HECTD4: variants seen among roughly 807,000 people sequenced by gnomAD.
HECTD4 encodes HECT domain E3 ubiquitin protein ligase 4, also known as probable E3 ubiquitin-protein ligase HECTD4.
HECTD4 carries 114 observed loss-of-function variants against 471.5 expected under a neutral mutation model. The ratio of observed to expected loss-of-function variants is 0.24; its 90% confidence interval spans 0.21 to 0.28. The LOEUF is 0.28. Ranked by LOEUF, HECTD4 falls within the 10% of genes least tolerant of loss-of-function variation. HECTD4 has a pLI of 1.00. For synonymous variants in HECTD4, 2,012 were observed against 2,256.0 expected (o/e 0.89, Z 3.07); for missense variants, 3,866 against 5,651.5 (o/e 0.68, Z 10.13).
chr12:112,167,874 C>T lies in HECTD4; in HGVS notation c.12252G>A (p.Leu4084=). Residue 4084 remains leucine (L), a synonymous_variant, in exon 71 of 76, where the codon CTG becomes CTA. Transcript: ENST00000682272. ...GCAGCAGCGACAGCGAGGAACTCTG[C>T]AGCTCCTTACACACCTGCCACAGGA... The part of the protein sequence containing the change: ...RHFLWQVCKE[L]QSSSLSLLLL... The T allele has an allele frequency of 1.2e-6, 2 of 1,613,608 alleles. No individual in the cohort carries two copies. Among genetic ancestry groups the T allele is most frequent in the Middle Eastern group, 3.3e-4 (2 of 6,060 alleles).
intron 1 of HECTD4, among the ~76,000 whole-genome samples, chr12:112,337,942 T>C (rs1240112797): frequency 6.6e-6 from 1 of 152,262 alleles, no homozygotes; most frequent in Non-Finnish European, 1.5e-5. Flanking sequence ...CATTATCCGA[T>C]TATGCTGAAA....
At chr12:112,212,184 A>G (rs1160805338) in intron 49 of HECTD4, among the ~76,000 whole-genome samples, 1 of 152,234 alleles carries the variant, frequency 6.6e-6, no homozygotes, top group Non-Finnish European at 1.5e-5. Context: ...TTAATCACAT[A>G]ATCATTTTAC....
At position 112,228,866 on chromosome 12, in the gene HECTD4, T is replaced by C; in HGVS notation, c.6520-55A>G. ...ACCAGCTCTGACGTGTGGGCAGCTG[T>C]CTTACGAGACAAGAGGAAAAAGTAA... On this transcript the variant is annotated intron_variant, in intron 41 of 75. Coordinates refer to ENST00000682272, the MANE Select transcript of HECTD4 (RefSeq NM_001388303.1). The surrounding 1 kb of genome is among the most constrained non-coding windows in gnomAD (Gnocchi z 4.9). 12 of 1,528,454 alleles carry C rather than the reference T, an allele frequency of 7.9e-6. No homozygotes were observed. The highest frequency in any genetic ancestry group is 1.1e-5 in the Non-Finnish European group (12 of 1,121,370). The allele number at this position is 1,528,454 out of a possible 1,614,324, so 94.7% of individuals were successfully genotyped here. A position where few individuals can be genotyped will look rare whatever the true frequency, so the allele number is the denominator to read the frequency against.
intron 7 of HECTD4, among the ~76,000 whole-genome samples, chr12:112,294,804 T>A (rs7959454): frequency 0.15 from 23,548 of 152,118 alleles, 2,424 homozygotes; most frequent in African/African-American, 0.29. Flanking sequence ...TATAAAAAAA[T>A]TCCTTTTTTA....
At chr12:112,221,013 G>A (rs553582012) in intron 44 of HECTD4, among the ~76,000 whole-genome samples, 12 of 151,892 alleles carry the variant, frequency 7.9e-5, no homozygotes, top group African/African-American at 2.4e-4. Flanking sequence ...GTGCAATGGC[G>A]CAATCTCGGC....
chr12:112,166,305 G>T lies in HECTD4; in HGVS notation c.12534+1012C>A, dbSNP rs1281651438. ...GCTATTGTCTTGCAATGGCTGCCCT[G>T]AGTGACCCAGGGGGACAATGGCAGA... On this transcript the variant is annotated intron_variant, in intron 72 of 75. Transcript: ENST00000682272. The surrounding 1 kb of genome is among the most constrained non-coding windows in gnomAD (Gnocchi z 4.6). 1 of 152,260 alleles carries T rather than the reference G, an allele frequency of 6.6e-6. No individual in the cohort carries two copies. Among genetic ancestry groups the T allele is most frequent in the African/African-American group, 2.4e-5 (1 of 41,462 alleles). 9.4% of individuals were successfully genotyped at this position (152,260 alleles called of 1,614,324 possible).
chr12:112,228,080 G>T lies in HECTD4; in HGVS notation c.6854+9C>A, dbSNP rs985493616. On this transcript the variant is annotated intron_variant, in intron 43 of 75. Transcript: ENST00000682272. This position sits in a 1 kb window ranked among gnomAD's most constrained non-coding sequence, Gnocchi z 4.9. ...TCAGCACATAAGGCAATGTGGGGAG[G>T]GTACTCACCTTGTCCTTATTTCAGC... 2 of 1,599,714 alleles carry T rather than the reference G, an allele frequency of 1.3e-6. No individual in the cohort carries two copies. Among genetic ancestry groups the T allele is most frequent in the Admixed American group, 3.5e-5 (2 of 57,860 alleles).
intron 64 of HECTD4, among the ~76,000 whole-genome samples, chr12:112,177,687 C>T (rs538038513): frequency 1.3e-5 from 2 of 152,268 alleles, no homozygotes; most frequent in South Asian, 2.1e-4. Context: ...GCCTATGAGG[C>T]TATTTTTTAA....
chr12:112,379,715 T>TATATATA (rs1555262255), intron 1 of HECTD4, among the ~76,000 whole-genome samples: 1 of 135,790 alleles, frequency 7.4e-6, no homozygotes, highest in Admixed American at 7.2e-5. Context: ...TAAAAAGATT[T>TATATATA]TTTATATATA....
intron 7 of HECTD4, among the ~76,000 whole-genome samples, chr12:112,295,801 TAAAA>T (rs764102820): frequency 6.9e-6 from 1 of 144,010 alleles, no homozygotes; most frequent in African/African-American, 2.6e-5. Context: ...ACCATTAAAT[TAAAA>T]AAAAAATATA....
intron 13 of HECTD4, among the ~76,000 whole-genome samples, chr12:112,267,749 C>A (rs1004188002): frequency 6.6e-6 from 1 of 152,142 alleles, no homozygotes; most frequent in Non-Finnish European, 1.5e-5. Flanking sequence ...AAGGGAAGAA[C>A]AATATTGCAA....
intron 1 of HECTD4, among the ~76,000 whole-genome samples, chr12:112,380,643 A>G (rs897742027): frequency 6.6e-6 from 1 of 152,150 alleles, no homozygotes; most frequent in Admixed American, 6.6e-5. Context: ...ATTCCATGTT[A>G]GGAATTCCCT....
At chr12:112,323,634 G>T (rs1344817090) in intron 1 of HECTD4, among the ~76,000 whole-genome samples, 1 of 151,940 alleles carries the variant, frequency 6.6e-6, no homozygotes, top group Admixed American at 6.5e-5. Context: ...ATAGATCAAT[G>T]GTTACCGGGG....
intron 72 of HECTD4, among the ~76,000 whole-genome samples, chr12:112,165,542 G>A (rs567667715): frequency 1.1e-4 from 16 of 151,892 alleles, no homozygotes; most frequent in East Asian, 2.0e-4. Context: ...TAGTAGAGAC[G>A]GGGTTTCACT....
At chr12:112,317,716 T>C (rs956941425) in intron 2 of HECTD4, among the ~76,000 whole-genome samples, 1 of 152,104 alleles carries the variant, frequency 6.6e-6, no homozygotes, top group Non-Finnish European at 1.5e-5. Context: ...GGGTGGCTCA[T>C]GCCTGTAATC....
intron 1 of HECTD4, among the ~76,000 whole-genome samples, chr12:112,361,594 G>A (rs1380643450): frequency 2.0e-5 from 3 of 152,052 alleles, no homozygotes; most frequent in Admixed American, 6.6e-5. Context: ...TTGAAGGGGG[G>A]CATTTTATAA....
At chr12:112,197,920 C>T (rs1180334924) in intron 55 of HECTD4, among the ~76,000 whole-genome samples, 1 of 152,226 alleles carries the variant, frequency 6.6e-6, no homozygotes, top group Non-Finnish European at 1.5e-5. Context: ...CTAGCAACCT[C>T]TGCCTCCTGG....
chr12:112,274,751 G>A, intron 10 of HECTD4, 96 bp downstream of exon 10: 1 of 749,576 alleles, frequency 1.3e-6, no homozygotes, highest in South Asian at 1.7e-5. Flanking sequence ...TTCTTTTCAA[G>A]AAAACTAGAA....
chr12:112,200,898 T>C, intron 54 of HECTD4, 100 bp from the exon 55 acceptor site: 2 of 982,998 alleles, frequency 2.0e-6, no homozygotes, highest in East Asian at 2.6e-5. Context: ...TGTGTGTGTG[T>C]GTGTGTGTGT....
Sources: gnomAD v4.1 joint callset for allele counts (sites outside exome capture counted in the v4.1 genomes callset) on GRCh38, gnomAD v4.1.1 for gene constraint, Gnocchi (gnomAD v3.1) non-coding constraint, MANE v1.5 for transcripts, NCBI Gene and HGNC (gene_info 2026-07-23, HGNC 2026-07-21) for gene names.